Variants in ARHGEF4 observed in about 807,000 individuals in gnomAD.
ARHGEF4 encodes the protein APC-stimulated guanine nucleotide exchange factor 1.
ARHGEF4 carries 119 observed loss-of-function variants against 162.0 expected under a neutral mutation model. The ratio of observed to expected loss-of-function variants is 0.73; its 90% CI spans 0.63 to 0.86. The LOEUF is 0.86. Among genes scored for constraint, ARHGEF4 ranks in the 40% least tolerant of loss-of-function variants. The pLI, the probability that ARHGEF4 is intolerant of heterozygous loss-of-function variation, is 0.00. For missense variants in ARHGEF4, 2,488 were observed against 2,456.0 expected, an observed-to-expected ratio of 1.01 and a Z score of -0.28; for synonymous variants, 1,014 against 979.9, an observed-to-expected ratio of 1.03 and a Z score of -0.65.
chr2:130,917,070 C>CTT lies in ARHGEF4; in HGVS notation c.3125_3126insTT (p.Pro1043TyrfsTer54). 6.4e-7 allele frequency: 1 copy of CTT among 1,550,748 alleles called. No homozygotes were observed. Reference sequence around the variant, plus strand: ...AGCCACCCAGGAAGGCGGTAGGTACCTACCTTCAGGTATCTTTCCGGAAAA... The same window carrying CTT: ...AGCCACCCAGGAAGGCGGTAGGTACCTTTACCTTCAGGTATCTTTCCGGAAAA... On this transcript the variant is annotated frameshift_variant, in exon 2 of 14. Coordinates refer to ENST00000409359, the MANE Select transcript of ARHGEF4 (RefSeq NM_001367493.1). LOFTEE classifies it high-confidence loss of function.
intron 3 of ARHGEF4, among the ~76,000 whole-genome samples, chr2:130,933,621 T>G (rs185922716): frequency 4.6e-5 from 7 of 152,346 alleles, no homozygotes; most frequent in African/African-American, 1.7e-4. Context: ...TTTGTAGTTT[T>G]CACTGTAAAA....
At chr2:130,956,821 G>C (rs545972984) in intron 4 of ARHGEF4, among the ~76,000 whole-genome samples, 1 of 128,984 alleles carries the variant, frequency 7.8e-6, no homozygotes, top group East Asian at 2.8e-4. Flanking sequence ...ACTGTCGTGG[G>C]GTGGGGGGAG....
In ARHGEF4 at chr2:130,906,976, C is replaced by T. The variant is rs78450895; in HGVS notation, c.40-7010C>T. 2.3e-4 allele frequency among the ~76,000 whole-genome samples: 35 copies of T among 152,146 alleles called. No individual in the cohort carries two copies. The East Asian group carries it at 6.2e-3, about 27-fold the overall frequency. ...GGCAAATTTATATCACAGAGCGGTT[C>T]GATCACTTAAAAATTTCCCTCGTGT... On this transcript the variant is annotated intron_variant, in intron 1 of 13. Transcript: ENST00000409359.
At chr2:130,893,840 C>A (rs1680002633) in intron 1 of ARHGEF4, among the ~76,000 whole-genome samples, 1 of 152,234 alleles carries the variant, frequency 6.6e-6, no homozygotes, top group African/African-American at 2.4e-5. Flanking sequence ...CCAAACTTAG[C>A]AGGCGAGAAG....
At chr2:130,852,564 G>A (rs964894039) in intron 1 of ARHGEF4, among the ~76,000 whole-genome samples, 1 of 152,054 alleles carries the variant, frequency 6.6e-6, no homozygotes, top group Non-Finnish European at 1.5e-5. Context: ...GTAAGTCCCC[G>A]GGCAAGACTG....
intron 4 of ARHGEF4, among the ~76,000 whole-genome samples, chr2:130,981,423 G>A (rs1334465297): frequency 2.6e-5 from 4 of 152,158 alleles, no homozygotes; most frequent in African/African-American, 7.2e-5. Context: ...CACTTTGGGA[G>A]GCCAAGGCAG....
chr2:130,947,653 A>T (rs189767503), intron 4 of ARHGEF4, among the ~76,000 whole-genome samples: 2 of 152,138 alleles, frequency 1.3e-5, no homozygotes, highest in Admixed American at 1.3e-4. Flanking sequence ...ATCACATCAC[A>T]TATCTGTCCA....
chr2:130,920,577 T>G (rs1303320007), intron 2 of ARHGEF4, among the ~76,000 whole-genome samples: 3 of 152,170 alleles, frequency 2.0e-5, no homozygotes, highest in African/African-American at 7.2e-5. Context: ...CCCTGGATGG[T>G]GCTGGAATGT....
At chr2:130,877,460 G>A (rs575405571) in intron 1 of ARHGEF4, among the ~76,000 whole-genome samples, 120 of 152,144 alleles carry the variant, frequency 7.9e-4, no homozygotes, top group Admixed American at 1.6e-3. Flanking sequence ...AAGGCTTAGC[G>A]ATCCCAAACA....
At chr2:130,896,508 C>G (rs966664133) in intron 1 of ARHGEF4, among the ~76,000 whole-genome samples, 1 of 152,164 alleles carries the variant, frequency 6.6e-6, no homozygotes, top group Admixed American at 6.6e-5. Context: ...ATGTTCCGGG[C>G]GCCTAGTTGA....
chr2:130,942,788 TAGAG>T (rs1359070495), intron 3 of ARHGEF4, among the ~76,000 whole-genome samples: 3 of 152,232 alleles, frequency 2.0e-5, no homozygotes, highest in Non-Finnish European at 4.4e-5. Context: ...TCCATTGTGA[TAGAG>T]AAACATACTT....
intron 1 of ARHGEF4, among the ~76,000 whole-genome samples, chr2:130,875,855 T>C (rs537687167): frequency 6.6e-6 from 1 of 152,356 alleles, no homozygotes; most frequent in African/African-American, 2.4e-5. Flanking sequence ...TCTCCAGTCA[T>C]GCCCACTCTA....
Position 131,032,483 on chromosome 2 carries a change from C to T in ARHGEF4, c.4125+4399C>T, listed in dbSNP as rs534442141. On this transcript the variant is annotated intron_variant, in intron 5 of 13. Transcript: ENST00000409359. Reference sequence around the variant, plus strand: ...AGGAGCCTGATGGCTGTCAGTGCTGCAGATACCTTGTACTCATCCTCATTA... The same window carrying T: ...AGGAGCCTGATGGCTGTCAGTGCTGTAGATACCTTGTACTCATCCTCATTA... Among the ~76,000 whole-genome samples the T allele has an allele frequency of 7.2e-5, 11 of 152,106 alleles. No individual in the cohort carries two copies. In the South Asian group the frequency reaches 2.3e-3, roughly 32 times the overall value.
intron 4 of ARHGEF4, chr2:130,964,023 G>A: frequency 3.0e-6 from 1 of 331,092 alleles, no homozygotes; most frequent in Non-Finnish European, 4.3e-6. Context: ...CGAGCCTGTG[G>A]CTGGAGCTCG....
At chr2:130,895,219 G>A (rs530974251) in intron 1 of ARHGEF4, among the ~76,000 whole-genome samples, 1 of 152,222 alleles carries the variant, frequency 6.6e-6, no homozygotes, top group Non-Finnish European at 1.5e-5. Context: ...CTTTCACGTA[G>A]CACCATGCCT....
intron 1 of ARHGEF4, among the ~76,000 whole-genome samples, chr2:130,842,899 G>A (rs1481484755): frequency 6.6e-6 from 1 of 152,180 alleles, no homozygotes; most frequent in East Asian, 1.9e-4. Flanking sequence ...CATTGGCCCA[G>A]CTTGTGCAGG....
chr2:131,000,577 G>T (rs1687698099), intron 4 of ARHGEF4, among the ~76,000 whole-genome samples: 1 of 151,994 alleles, frequency 6.6e-6, no homozygotes, highest in African/African-American at 2.4e-5. Flanking sequence ...GGAAGGGAAG[G>T]GTTTTTCTTT....
chr2:130,980,991 C>T (rs1686080534), intron 4 of ARHGEF4, among the ~76,000 whole-genome samples: 1 of 152,206 alleles, frequency 6.6e-6, no homozygotes, highest in African/African-American at 2.4e-5. Context: ...AATATAAACA[C>T]CATTGAAACA....
chr2:130,913,858 A>G (rs1681338049), intron 1 of ARHGEF4, 128 bp from the exon 2 acceptor site: 1 of 1,129,980 alleles, frequency 8.8e-7, no homozygotes, highest in African/African-American at 1.6e-5. Context: ...CTCCCTTCCT[A>G]GGGGTACATG....
Sources: gnomAD v4.1 joint callset for allele counts (sites outside exome capture counted in the v4.1 genomes callset) on GRCh38, gnomAD v4.1.1 for gene constraint, MANE v1.5 for transcripts, NCBI Gene and HGNC (gene_info 2026-07-23, HGNC 2026-07-21) for gene names.